Variants in DIP2C observed in about 807,000 individuals in gnomAD.
The protein encoded by DIP2C is disco-interacting protein 2 homolog C.
DIP2C carries 33 observed loss-of-function variants against 192.4 expected under a neutral mutation model. The observed-to-expected ratio is 0.17, with a 90% CI of 0.13 to 0.23. DIP2C has a LOEUF of 0.23. DIP2C is among the 10% of genes least tolerant of loss of function. DIP2C has a pLI of 1.00. For synonymous variants in DIP2C, 979 were observed against 864.1 expected, an observed-to-expected ratio of 1.13 and a Z score of -2.33; for missense variants, 1,537 against 2,110.1, an observed-to-expected ratio of 0.73 and a Z score of 5.32.
At chr10:535,567 ACT>A (rs1363237751) in intron 1 of DIP2C, among the ~76,000 whole-genome samples, 7 of 151,434 alleles carry the variant, frequency 4.6e-5, no homozygotes, top group African/African-American at 1.5e-4. Context: ...TCCCATTTAC[ACT>A]CTGCAGTGAC....
chr10:324,162 A>G (rs1957159204), intron 31 of DIP2C, among the ~76,000 whole-genome samples: 1 of 152,178 alleles, frequency 6.6e-6, no homozygotes, highest in African/African-American at 2.4e-5. Flanking sequence ...CACTTCCTGA[A>G]AAAATTATCT....
chr10:492,614 A>T (rs1215939276), intron 1 of DIP2C, among the ~76,000 whole-genome samples: 1 of 152,216 alleles, frequency 6.6e-6, no homozygotes, highest in African/African-American at 2.4e-5. Context: ...CAAACAACAC[A>T]CACACGCACA....
chr10:377,075 T>G (rs1961689111), intron 17 of DIP2C, among the ~76,000 whole-genome samples: 1 of 151,972 alleles, frequency 6.6e-6, no homozygotes, highest in South Asian at 2.1e-4. Context: ...CAGCCCATTT[T>G]ACAAGCTGCA....
chr10:490,945 T>A (rs1844395469), intron 1 of DIP2C, among the ~76,000 whole-genome samples: 1 of 152,252 alleles, frequency 6.6e-6, no homozygotes, highest in African/African-American at 2.4e-5. Flanking sequence ...TTTCCCTCCC[T>A]GAAGGGAACA....
intron 31 of DIP2C, among the ~76,000 whole-genome samples, chr10:326,101 A>C (rs987792667): frequency 6.6e-5 from 10 of 152,024 alleles, no homozygotes; most frequent in African/African-American, 2.4e-4. Context: ...GGGTTGCTTG[A>C]GCCTGGGAGC....
At chr10:538,501 G>A (rs796470150) in intron 1 of DIP2C, among the ~76,000 whole-genome samples, 14 of 152,314 alleles carry the variant, frequency 9.2e-5, no homozygotes, top group African/African-American at 3.4e-4. Flanking sequence ...CACAATCCTG[G>A]ACTCTTCCAG....
At chr10:385,431 G>C (rs1962811346) in intron 14 of DIP2C, among the ~76,000 whole-genome samples, 1 of 152,192 alleles carries the variant, frequency 6.6e-6, no homozygotes, top group African/African-American at 2.4e-5. Context: ...CGAAACCTTT[G>C]GTGAAACAGA....
At chr10:335,625 T>C (rs550774503) in intron 29 of DIP2C, among the ~76,000 whole-genome samples, 3 of 152,338 alleles carry the variant, frequency 2.0e-5, no homozygotes, top group Non-Finnish European at 2.9e-5. Context: ...GGCTGGTGCT[T>C]CCACATGGGG....
intron 1 of DIP2C, among the ~76,000 whole-genome samples, chr10:601,544 G>A (rs953331834): frequency 5.3e-5 from 8 of 152,222 alleles, no homozygotes; most frequent in East Asian, 3.9e-4. Flanking sequence ...TCCAGGGCAC[G>A]AGAGAATTCC....
At chr10:414,902 ATATAT>A (rs746961194) in intron 7 of DIP2C, among the ~76,000 whole-genome samples, 1,529 of 102,002 alleles carry the variant, frequency 0.015, 68 homozygotes, top group Non-Finnish European at 0.025. Context: ...ATATATATAT[ATATAT>A]TTTTTTTTTT....
At chr10:506,979 C>T (rs762173818) in intron 1 of DIP2C, among the ~76,000 whole-genome samples, 12 of 151,294 alleles carry the variant, frequency 7.9e-5, no homozygotes, top group Middle Eastern at 3.4e-3. Flanking sequence ...AGACGAGAGG[C>T]GTGTGGTCAA....
chr10:324,029 C>G (rs1263394711), intron 31 of DIP2C, among the ~76,000 whole-genome samples: 1 of 152,180 alleles, frequency 6.6e-6, no homozygotes, highest in Non-Finnish European at 1.5e-5. Flanking sequence ...GCTGGACTCT[C>G]GCCCGCACGA....
rs1410032323 is a variant in DIP2C at position 390,985 on chromosome 10, C to A, written c.1261-122G>T. The A allele has an allele frequency of 3.5e-6, 5 of 1,417,200 alleles. No homozygotes were observed. In the East Asian group the frequency reaches 1.2e-4, roughly 33 times the overall value. 87.8% of individuals were successfully genotyped at this position (1,417,200 alleles called of 1,614,324 possible). A position where few individuals can be genotyped will look rare whatever the true frequency, so the allele number is the denominator to read the frequency against. ...TGCAGAACCAGGATCCAACCCCCAG[C>A]CCTGCTGCTTGGTATCTGTGGGACC... is the stretch of plus-strand genomic sequence containing the variant. On this transcript the variant is annotated intron_variant, in intron 10 of 36. Coordinates refer to ENST00000280886, the MANE Select transcript of DIP2C (RefSeq NM_014974.3).
In DIP2C at chr10:666,865, A is replaced by C. The variant is rs1482949312; in HGVS notation, c.85+22629T>G. The stretch of plus-strand genomic sequence containing the variant: ...AGACCCCGGCCGGCAAGCTGCCCCA[A>C]GAAGCAGTGCGCCTCCCAAAATCAG... On this transcript the variant is annotated intron_variant, in intron 1 of 36. Coordinates refer to ENST00000280886, the MANE Select transcript of DIP2C (RefSeq NM_014974.3). The surrounding 1 kb of genome is among the most constrained non-coding windows in gnomAD (Gnocchi z 4.1). The C allele has an allele frequency of 1.3e-5, 2 of 152,318 alleles. No individual in the cohort carries two copies. The highest frequency in any genetic ancestry group is 4.8e-5 in the African/African-American group (2 of 41,438). 9.4% of individuals were successfully genotyped at this position (152,318 alleles called of 1,614,324 possible).
chr10:390,445 T>C (rs1963368489), intron 11 of DIP2C, 72 bp from the exon 12 acceptor site: 2 of 1,412,472 alleles, frequency 1.4e-6, no homozygotes, highest in African/African-American at 1.4e-5. Context: ...TCCCCATTTA[T>C]GTGGTACCCT....
At chr10:362,239 G>A (rs1294661415) in intron 22 of DIP2C, among the ~76,000 whole-genome samples, 1 of 152,226 alleles carries the variant, frequency 6.6e-6, no homozygotes, top group Non-Finnish European at 1.5e-5. Context: ...CGGGAGAACA[G>A]AGCCAGTAAG....
At chr10:657,910 C>T (rs1456939447) in intron 1 of DIP2C, among the ~76,000 whole-genome samples, 1 of 141,498 alleles carries the variant, frequency 7.1e-6, no homozygotes, top group Non-Finnish European at 1.5e-5. Context: ...GCTGGACCTG[C>T]CACTGGACCT....
chr10:364,923 G>A, intron 19 of DIP2C: 1 of 544,672 alleles, frequency 1.8e-6, no homozygotes, highest in Non-Finnish European at 3.6e-6. Flanking sequence ...CAATGTAAAA[G>A]ACGAGTGAAG....
intron 1 of DIP2C, among the ~76,000 whole-genome samples, chr10:611,137 G>A (rs1853072889): frequency 6.6e-6 from 1 of 152,158 alleles, no homozygotes; most frequent in South Asian, 2.1e-4. Flanking sequence ...ACAATCCCAA[G>A]TGCTGTCTCA....
Sources: gnomAD v4.1 joint callset for allele counts (sites outside exome capture counted in the v4.1 genomes callset) on GRCh38, gnomAD v4.1.1 for gene constraint, Gnocchi (gnomAD v3.1) non-coding constraint, MANE v1.5 for transcripts, NCBI Gene and HGNC (gene_info 2026-07-23, HGNC 2026-07-21) for gene names.